The following SGCZ variants were observed in gnomAD, a reference collection of about 807,000 sequenced individuals.
The protein encoded by SGCZ is zeta-sarcoglycan.
SGCZ carries 40 observed loss-of-function variants against 41.3 expected under a neutral mutation model. The observed-to-expected ratio is 0.97, with a 90% CI of 0.75 to 1.26. The LOEUF is 1.26. Among genes scored for constraint, SGCZ ranks in the 50% most tolerant of loss-of-function variants. The pLI, the probability that SGCZ is intolerant of heterozygous loss-of-function variation, is 0.00. For missense variants in SGCZ, 552 were observed against 369.8 expected (o/e 1.49, Z -4.04); for synonymous variants, 206 against 137.5 (o/e 1.50, Z -3.49).
intron 1 of SGCZ, among the ~76,000 whole-genome samples, chr8:14,944,369 T>C (rs1800373752): frequency 6.6e-6 from 1 of 152,212 alleles, no homozygotes; most frequent in South Asian, 2.1e-4. Flanking sequence ...GGTGACCACA[T>C]TTTCTGAACA....
chr8:14,674,476 A>T (rs1585172801), intron 1 of SGCZ, among the ~76,000 whole-genome samples: 1 of 152,214 alleles, frequency 6.6e-6, no homozygotes, highest in African/African-American at 2.4e-5. Context: ...AGTTCCTGAT[A>T]GTATAGCTAT....
chr8:14,141,884 C>T (rs1180409085), intron 5 of SGCZ, among the ~76,000 whole-genome samples: 1 of 152,148 alleles, frequency 6.6e-6, no homozygotes, highest in African/African-American at 2.4e-5. Context: ...TATTGTGGCA[C>T]TATTCACAAT....
chr8:14,355,955 G>A (rs926622726), intron 2 of SGCZ, among the ~76,000 whole-genome samples: 1 of 152,114 alleles, frequency 6.6e-6, no homozygotes, highest in African/African-American at 2.4e-5. Flanking sequence ...TCCTCATGGT[G>A]TGAAAGTAAT....
At chr8:14,262,615 A>G (rs1050446798) in intron 3 of SGCZ, among the ~76,000 whole-genome samples, 1 of 151,844 alleles carries the variant, frequency 6.6e-6, no homozygotes, top group Admixed American at 6.6e-5. Flanking sequence ...TATAATCTAC[A>G]TTGTAGCGCT....
intron 2 of SGCZ, among the ~76,000 whole-genome samples, chr8:14,353,945 G>C (rs187610549): frequency 6.6e-6 from 1 of 152,056 alleles, no homozygotes; most frequent in Admixed American, 6.6e-5. Context: ...AAATAATTTG[G>C]AGAAGTCTAG....
chr8:14,370,600 A>G (rs1585416468), intron 2 of SGCZ, among the ~76,000 whole-genome samples: 2 of 151,892 alleles, frequency 1.3e-5, no homozygotes, highest in South Asian at 2.1e-4. Context: ...AGTATTTTCT[A>G]TTTATATTCA....
rs1804581807 is a variant in SGCZ at position 15,053,243 on chromosome 8, G to C, written c.39+184342C>G. 2.0e-5 allele frequency among the ~76,000 whole-genome samples: 3 copies of C among 152,142 alleles called. No individual in the cohort carries two copies. In the South Asian group the frequency reaches 6.2e-4, roughly 32 times the overall value. ...GTCAGTTCTTCTGGATGGCAACTTTGTCTTTCTTCCTGCTTCCCTCATAAT... is the reference window on the plus strand; with the variant it reads ...GTCAGTTCTTCTGGATGGCAACTTTCTCTTTCTTCCTGCTTCCCTCATAAT... On this transcript the variant is annotated intron_variant, in intron 1 of 7. Coordinates refer to ENST00000382080, the MANE Select transcript of SGCZ (RefSeq NM_139167.4).
intron 2 of SGCZ, among the ~76,000 whole-genome samples, chr8:14,424,516 A>G (rs1308518791): frequency 6.6e-6 from 1 of 152,204 alleles, no homozygotes; most frequent in Non-Finnish European, 1.5e-5. Flanking sequence ...ATATACACAA[A>G]TATGTGTGTG....
chr8:15,158,044 A>G (rs75434762), intron 1 of SGCZ, among the ~76,000 whole-genome samples: 6,484 of 150,174 alleles, frequency 0.043, 328 homozygotes, highest in African/African-American at 0.13. Flanking sequence ...GCCTCTCACC[A>G]CCCCCTTTCC....
chr8:14,224,522 T>C (rs1806306405), intron 4 of SGCZ, among the ~76,000 whole-genome samples: 1 of 152,212 alleles, frequency 6.6e-6, no homozygotes, highest in Non-Finnish European at 1.5e-5. Context: ...TTAGTATATA[T>C]TATGCAACTT....
chr8:15,042,640 G>C (rs563590198), intron 1 of SGCZ, among the ~76,000 whole-genome samples: 40 of 152,158 alleles, frequency 2.6e-4, no homozygotes, highest in Non-Finnish European at 5.6e-4. Context: ...CTTCCTCATT[G>C]AAAGACTATA....
At chr8:14,171,943 T>G (rs1000530301) in intron 4 of SGCZ, among the ~76,000 whole-genome samples, 1 of 152,154 alleles carries the variant, frequency 6.6e-6, no homozygotes, top group Admixed American at 6.6e-5. Context: ...AAAAATCCTA[T>G]TATATAACTG....
chr8:14,553,440 T>C (rs1803933840), intron 2 of SGCZ, among the ~76,000 whole-genome samples: 1 of 152,108 alleles, frequency 6.6e-6, no homozygotes, highest in South Asian at 2.1e-4. Flanking sequence ...GTGAAAATAT[T>C]GACTCCTGGC....
At chr8:14,589,905 T>C (rs930325634) in intron 1 of SGCZ, among the ~76,000 whole-genome samples, 1 of 152,192 alleles carries the variant, frequency 6.6e-6, no homozygotes, top group African/African-American at 2.4e-5. Flanking sequence ...AACAAACTTC[T>C]TAGTCCAGGT....
At chr8:14,411,785 A>T (rs1799367484) in intron 2 of SGCZ, among the ~76,000 whole-genome samples, 1 of 152,112 alleles carries the variant, frequency 6.6e-6, no homozygotes, top group Non-Finnish European at 1.5e-5. Context: ...AAACTCACTG[A>T]CATGTTTCAT....
intron 1 of SGCZ, among the ~76,000 whole-genome samples, chr8:15,137,800 G>A (rs1236266726): frequency 6.6e-6 from 1 of 152,236 alleles, no homozygotes; most frequent in Non-Finnish European, 1.5e-5. Context: ...ATCCCTCATG[G>A]AGAACCTCTG....
At chr8:15,155,621 A>C (rs961707326) in intron 1 of SGCZ, among the ~76,000 whole-genome samples, 1 of 152,220 alleles carries the variant, frequency 6.6e-6, no homozygotes, top group African/African-American at 2.4e-5. Context: ...TATTCATATT[A>C]ATATAATTCT....
intron 1 of SGCZ, among the ~76,000 whole-genome samples, chr8:15,190,069 C>G (rs984470837): frequency 6.6e-6 from 1 of 152,040 alleles, no homozygotes; most frequent in Non-Finnish European, 1.5e-5. Flanking sequence ...ATTTTCTCAC[C>G]CAATTCTGCA....
chr8:15,186,515 C>G (rs73665396), intron 1 of SGCZ, among the ~76,000 whole-genome samples: 15,811 of 152,056 alleles, frequency 0.1, 928 homozygotes, highest in East Asian at 0.22. Flanking sequence ...ACAGTCCTTT[C>G]TAAACAAAGA....
Sources: gnomAD v4.1 joint callset for allele counts (sites outside exome capture counted in the v4.1 genomes callset) on GRCh38, gnomAD v4.1.1 for gene constraint, MANE v1.5 for transcripts, NCBI Gene and HGNC (gene_info 2026-07-23, HGNC 2026-07-21) for gene names.